The following TNRC6C variants were observed in gnomAD, a reference collection of about 807,000 sequenced individuals.
The protein encoded by TNRC6C is trinucleotide repeat-containing gene 6C protein.
TNRC6C carries 20 observed loss-of-function variants against 153.7 expected under a neutral mutation model. The observed-to-expected ratio is 0.13, with a 90% CI of 0.09 to 0.19. The LOEUF (loss-of-function observed/expected upper bound fraction) is 0.19, where lower values mean the gene tolerates loss of function less well. Ranked by LOEUF, TNRC6C falls within the 10% of genes least tolerant of loss-of-function variation. The pLI, the probability that TNRC6C is intolerant of heterozygous loss-of-function variation, is 1.00. For missense variants in TNRC6C, 1,987 were observed against 2,172.0 expected (o/e 0.91, Z 1.69); for synonymous variants, 811 against 841.4 (o/e 0.96, Z 0.63).
At chr17:78,083,047 G>A in exon 11 of TNRC6C, 1 of 1,613,762 alleles carries the variant, frequency 6.2e-7, no homozygotes, top group Non-Finnish European at 8.5e-7. Flanking sequence ...TGTTAAACAG[G>A]TTCAAGCACA....
Position 78,049,429 on chromosome 17 carries a change from C to G in TNRC6C, c.367C>G (p.Pro123Ala). 6.2e-7 allele frequency: 1 copy of G among 1,614,008 alleles called. No homozygotes were observed. Residue 123 changes from proline (P) to alanine (A), a missense_variant, in exon 3 of 20, where the codon CCT becomes GCT. Physicochemically the swap from Pro to Ala is conservative, Grantham distance 27. This residue lies in a region of TNRC6C where 1,052 missense variants were observed against 1,017.0 expected (regional missense o/e 1.03). Transcript: ENST00000301624. This position sits in a 1 kb window ranked among gnomAD's most constrained non-coding sequence, Gnocchi z 4.1. ...TGAAGGAACCGTGGCGACAGGCAAC[C>G]CTTCCAGTATTTGCAGTCCAGTCAG...
At chr17:78,059,719 C>G (rs8073490) in intron 3 of TNRC6C, among the ~76,000 whole-genome samples, 1,878 of 151,866 alleles carry the variant, frequency 0.012, 34 homozygotes, top group African/African-American at 0.043. Flanking sequence ...CATAGTGGCA[C>G]ACGCCTCTAG....
chr17:77,971,464 C>T (rs2070939332), intron 1 of TNRC6C, among the ~76,000 whole-genome samples: 1 of 152,156 alleles, frequency 6.6e-6, no homozygotes, highest in Admixed American at 6.5e-5. Context: ...TAGACTGCTC[C>T]CCAGACTCAA....
intron 1 of TNRC6C, among the ~76,000 whole-genome samples, chr17:78,018,046 G>GTCT (rs1018511556): frequency 1.3e-5 from 2 of 152,144 alleles, no homozygotes; most frequent in African/African-American, 4.8e-5. Context: ...TAAAGATAAT[G>GTCT]TCTCTTCTAC....
At chr17:77,999,784 A>G (rs183325956), upstream of TNRC6C, among the ~76,000 whole-genome samples, 1 of 152,312 alleles carries the variant, frequency 6.6e-6, no homozygotes, top group African/African-American at 2.4e-5. Context: ...TGCTGGCTGA[A>G]TGCCGTTCCT....
intron 3 of TNRC6C, among the ~76,000 whole-genome samples, chr17:78,057,498 G>A (rs993786607): frequency 6.6e-6 from 1 of 152,224 alleles, no homozygotes; most frequent in African/African-American, 2.4e-5. Flanking sequence ...CCTCTCTGGG[G>A]ACTGTGCCAT....
At chr17:78,086,740 G>C in intron 12 of TNRC6C, 113 bp from the exon 15 acceptor site, 1 of 1,571,056 alleles carries the variant, frequency 6.4e-7, no homozygotes. Flanking sequence ...GAGGAGGTTG[G>C]CCTAGCCAGT....
At position 78,075,143 on chromosome 17, in the gene TNRC6C, G is replaced by A; in HGVS notation, c.2925G>A (p.Leu975=). 6.2e-7 allele frequency: 1 copy of A among 1,613,394 alleles called. No individual in the cohort carries two copies. The highest frequency in any genetic ancestry group is 8.5e-7 in the Non-Finnish European group (1 of 1,179,668). The change falls in exon 8 of 20, where the codon CTG becomes CTA. Residue 975 remains leucine, a synonymous_variant. Transcript: ENST00000301624. The surrounding 1 kb of genome is among the most constrained non-coding windows in gnomAD (Gnocchi z 4.2). Reference sequence around the variant, plus strand: ...CTGTTTGTTGTGCTCCAGGCGCTCTGCTGGAAAAGAAGGTGGACGTGGACA... The same window carrying A: ...CTGTTTGTTGTGCTCCAGGCGCTCTACTGGAAAAGAAGGTGGACGTGGACA...
chr17:78,072,282 C>A (rs2073012499), intron 6 of TNRC6C, among the ~76,000 whole-genome samples: 1 of 152,160 alleles, frequency 6.6e-6, no homozygotes, highest in Admixed American at 6.5e-5. Flanking sequence ...TCAGTCATCC[C>A]CTGAGATTAC....
intron 17 of TNRC6C, among the ~76,000 whole-genome samples, chr17:78,100,770 C>CTTTTTT (rs56816459): frequency 6.8e-4 from 71 of 104,022 alleles, no homozygotes; most frequent in African/African-American, 2.0e-3. Context: ...ATGGGATTTC[C>CTTTTTT]TTTTTTTTTT....
At chr17:78,098,506 C>G in exon 17 of TNRC6C, 2 of 1,613,604 alleles carry the variant, frequency 1.2e-6, no homozygotes, top group Non-Finnish European at 1.7e-6. Flanking sequence ...GGGGTGCCAG[C>G]CCCCTCGGCT....
At chr17:78,041,380 G>A (rs1376062160) in intron 2 of TNRC6C, among the ~76,000 whole-genome samples, 3 of 152,148 alleles carry the variant, frequency 2.0e-5, no homozygotes, top group East Asian at 1.9e-4. Flanking sequence ...GGGCTGGCAC[G>A]GGCAGGCCTT....
At chr17:77,977,246 T>C (rs2071014381) in intron 1 of TNRC6C, among the ~76,000 whole-genome samples, 1 of 152,206 alleles carries the variant, frequency 6.6e-6, no homozygotes, top group African/African-American at 2.4e-5. Flanking sequence ...TTAGTAAATA[T>C]AGCTTGATTA....
At chr17:78,069,485 A>G (rs562337557) in intron 5 of TNRC6C, among the ~76,000 whole-genome samples, 70 of 152,218 alleles carry the variant, frequency 4.6e-4, no homozygotes, top group African/African-American at 1.6e-3. Context: ...CTGGGCTCGA[A>G]TTGTCCTCCT....
intron 1 of TNRC6C, among the ~76,000 whole-genome samples, chr17:77,992,059 G>A (rs1013988210): frequency 2.6e-5 from 4 of 152,158 alleles, no homozygotes; most frequent in Non-Finnish European, 5.9e-5. Flanking sequence ...AAGACCTTCC[G>A]AGCCCAGTGC....
Position 78,024,750 on chromosome 17 carries a change from T to G in TNRC6C, c.-545-6766T>G, listed in dbSNP as rs150469302. Among the ~76,000 whole-genome samples the G allele has an allele frequency of 2.7e-3, 412 of 152,076 alleles. 1 individual carries two copies. Among genetic ancestry groups the G allele is most frequent in the African/African-American group, 8.4e-3 (348 of 41,490 alleles). On this transcript the variant is annotated intron_variant, in intron 1 of 19. Transcript: ENST00000301624. Reference sequence around the variant, plus strand: ...TTCCCTCTCCTCACCACCACTAGTTTCCCATATTTGTGTGGAACATTTGAT... The same window carrying G: ...TTCCCTCTCCTCACCACCACTAGTTGCCCATATTTGTGTGGAACATTTGAT...
chr17:78,000,010 A>G (rs1162680180), upstream of TNRC6C, among the ~76,000 whole-genome samples: 2 of 152,266 alleles, frequency 1.3e-5, no homozygotes, highest in Non-Finnish European at 2.9e-5. Flanking sequence ...TCAGAAGACC[A>G]TAGAGTCTGT....
chr17:77,983,184 C>G (rs895368334), intron 1 of TNRC6C, among the ~76,000 whole-genome samples: 1 of 152,188 alleles, frequency 6.6e-6, no homozygotes, highest in African/African-American at 2.4e-5. Context: ...TAACCCACCC[C>G]TAGAATTTCT....
chr17:77,999,518 G>T (rs913773689), upstream of TNRC6C, among the ~76,000 whole-genome samples: 3 of 152,156 alleles, frequency 2.0e-5, no homozygotes, highest in African/African-American at 7.2e-5. Flanking sequence ...CAGGAGAGAG[G>T]CTGTAGCTGG....
Sources: allele counts gnomAD v4.1 joint callset (sites outside exome capture counted in the v4.1 genomes callset), GRCh38; gene constraint gnomAD v4.1.1; regional missense constraint gnomAD v4.1.1; non-coding constraint Gnocchi (gnomAD v3.1); transcripts MANE v1.5; gene names NCBI Gene and HGNC (gene_info 2026-07-23, HGNC 2026-07-21).